The following SLC25A21 variants were observed in gnomAD, a reference collection of about 807,000 sequenced individuals.
The protein encoded by SLC25A21 is mitochondrial 2-oxodicarboxylate carrier.
In SLC25A21, 47 loss-of-function variants were observed where a neutral mutation model predicts 43.8. The ratio of observed to expected loss-of-function variants is 1.07; its 90% CI spans 0.85 to 1.37. SLC25A21 has a LOEUF of 1.37. Among genes scored for constraint, SLC25A21 ranks in the 40% most tolerant of loss-of-function variants. SLC25A21 has a pLI of 0.00. For synonymous variants in SLC25A21, 131 were observed against 121.3 expected (o/e 1.08, Z -0.52); for missense variants, 352 against 350.2 (o/e 1.00, Z -0.04).
chr14:36,869,927 C>G (rs1007511269), intron 2 of SLC25A21, among the ~76,000 whole-genome samples: 1 of 152,220 alleles, frequency 6.6e-6, no homozygotes, highest in Non-Finnish European at 1.5e-5. Flanking sequence ...ACATTATCTG[C>G]TAAGAGTTTG....
intron 2 of SLC25A21, among the ~76,000 whole-genome samples, chr14:36,850,056 T>C (rs1234181989): frequency 6.6e-6 from 1 of 152,050 alleles, no homozygotes; most frequent in Non-Finnish European, 1.5e-5. Context: ...ACTTTGTGTG[T>C]GAAGTGCTGT....
intron 2 of SLC25A21, among the ~76,000 whole-genome samples, chr14:36,846,431 G>A (rs1889544992): frequency 6.6e-6 from 1 of 152,088 alleles, no homozygotes; most frequent in African/African-American, 2.4e-5. Context: ...GCCCAGGCTA[G>A]AGTGCAATGC....
chr14:37,045,160 A>G (rs1176481192), intron 1 of SLC25A21, among the ~76,000 whole-genome samples: 1 of 152,212 alleles, frequency 6.6e-6, no homozygotes, highest in African/African-American at 2.4e-5. Flanking sequence ...ATTCTAAAAT[A>G]TATCAGTATT....
At chr14:37,124,825 T>C (rs1243027153) in intron 1 of SLC25A21, among the ~76,000 whole-genome samples, 1 of 152,130 alleles carries the variant, frequency 6.6e-6, no homozygotes, top group Non-Finnish European at 1.5e-5. Flanking sequence ...TTTAAAAGTG[T>C]GTGGCGCCGC....
chr14:37,157,967 C>A (rs1477653943), intron 1 of SLC25A21, among the ~76,000 whole-genome samples: 1 of 152,002 alleles, frequency 6.6e-6, no homozygotes, highest in Non-Finnish European at 1.5e-5. Flanking sequence ...TAAATGGTGA[C>A]AAATTGGAAA....
At chr14:36,861,431 G>C (rs1013478289) in intron 2 of SLC25A21, among the ~76,000 whole-genome samples, 1 of 152,192 alleles carries the variant, frequency 6.6e-6, no homozygotes, top group African/African-American at 2.4e-5. Context: ...CTAGCCTGAG[G>C]TTCTAAGGTT....
chr14:37,047,373 C>G (rs964490135), intron 1 of SLC25A21, among the ~76,000 whole-genome samples: 2 of 152,230 alleles, frequency 1.3e-5, no homozygotes, highest in Non-Finnish European at 2.9e-5. Context: ...AGATATGAAT[C>G]AACTGCTGTG....
rs140510346 is a variant in SLC25A21 at position 36,729,472 on chromosome 14, A to C, written c.330+35T>G. 341 of 1,478,886 alleles carry C rather than the reference A, an allele frequency of 2.3e-4. 3 individuals carry two copies. In the East Asian group the frequency reaches 8.0e-3, roughly 35 times the overall value. The allele number at this position is 1,478,886 out of a possible 1,614,324, so 91.6% of individuals were successfully genotyped here. On this transcript the variant is annotated intron_variant, in intron 5 of 9. Transcript: ENST00000331299. The stretch of plus-strand genomic sequence containing the variant: ...TCTAGATTTTGCTTTATGAAATAAC[A>C]CACACATTTAAGTATAATAAATACT...
At chr14:37,085,509 T>G (rs1962467331) in intron 1 of SLC25A21, among the ~76,000 whole-genome samples, 1 of 152,224 alleles carries the variant, frequency 6.6e-6, no homozygotes, top group Non-Finnish European at 1.5e-5. Context: ...ATCAGTGAGA[T>G]GAACACATTG....
intron 1 of SLC25A21, among the ~76,000 whole-genome samples, chr14:37,170,698 G>A (rs569718037): frequency 1.3e-5 from 2 of 151,984 alleles, no homozygotes; most frequent in African/African-American, 2.4e-5. Flanking sequence ...AGGTCAAGGG[G>A]GTCAGATTGC....
chr14:36,699,678 G>T (rs1883194516), intron 7 of SLC25A21, among the ~76,000 whole-genome samples: 1 of 152,150 alleles, frequency 6.6e-6, no homozygotes, highest in Non-Finnish European at 1.5e-5. Flanking sequence ...CCCCAGCCAG[G>T]CTGCCACCTT....
chr14:37,092,731 T>C (rs1417424429), intron 1 of SLC25A21, among the ~76,000 whole-genome samples: 4 of 152,108 alleles, frequency 2.6e-5, no homozygotes, highest in Non-Finnish European at 5.9e-5. Context: ...TCCTGGGTGA[T>C]ATTGCTGAGC....
At chr14:36,905,190 G>A (rs1891502486) in intron 1 of SLC25A21, among the ~76,000 whole-genome samples, 1 of 152,158 alleles carries the variant, frequency 6.6e-6, no homozygotes, top group Non-Finnish European at 1.5e-5. Flanking sequence ...TACAATTTAT[G>A]CTGGATCATG....
At chr14:36,757,477 A>T (rs1341807216) in intron 3 of SLC25A21, among the ~76,000 whole-genome samples, 3 of 152,204 alleles carry the variant, frequency 2.0e-5, no homozygotes, top group Admixed American at 2.0e-4. Context: ...AAAAAAATCT[A>T]TATATCAAAT....
At chr14:37,075,081 A>G (rs1475469420) in intron 1 of SLC25A21, among the ~76,000 whole-genome samples, 2 of 152,214 alleles carry the variant, frequency 1.3e-5, no homozygotes, top group Non-Finnish European at 2.9e-5. Flanking sequence ...CAAAGGAACT[A>G]GCTTCCCTTT....
chr14:36,984,402 T>C (rs1446262784), intron 1 of SLC25A21, among the ~76,000 whole-genome samples: 1 of 152,230 alleles, frequency 6.6e-6, no homozygotes, highest in East Asian at 1.9e-4. Context: ...ATCTTCTGTT[T>C]ACATTGAGAA....
chr14:36,835,275 T>C (rs899230819), intron 2 of SLC25A21, among the ~76,000 whole-genome samples: 2 of 152,220 alleles, frequency 1.3e-5, no homozygotes, highest in Non-Finnish European at 2.9e-5. Context: ...ATAAAGTGGG[T>C]ACACTTCCCT....
intron 1 of SLC25A21, among the ~76,000 whole-genome samples, chr14:36,945,008 T>C (rs769426027): frequency 6.6e-6 from 1 of 151,996 alleles, no homozygotes; most frequent in Non-Finnish European, 1.5e-5. Context: ...TTTCTAGGAG[T>C]GTTCATCCTA....
At chr14:36,915,157 C>T (rs992920415) in intron 1 of SLC25A21, among the ~76,000 whole-genome samples, 5 of 152,052 alleles carry the variant, frequency 3.3e-5, no homozygotes, top group African/African-American at 7.2e-5. Context: ...GTGATGACAG[C>T]GGTACTATTT....
Sources: gnomAD v4.1 joint callset for allele counts (sites outside exome capture counted in the v4.1 genomes callset) on GRCh38, gnomAD v4.1.1 for gene constraint, MANE v1.5 for transcripts, NCBI Gene and HGNC (gene_info 2026-07-23, HGNC 2026-07-21) for gene names.